Variants in CNTN5 observed in about 807,000 individuals in gnomAD.
CNTN5 encodes contactin-5.
In CNTN5, 77 loss-of-function variants were observed where a neutral mutation model predicts 129.1. The observed-to-expected ratio is 0.60, with a 90% confidence interval of 0.50 to 0.72. The LOEUF (loss-of-function observed/expected upper bound fraction) is 0.72. CNTN5 is among the 30% of genes least tolerant of loss of function. CNTN5 has a pLI of 0.00. For missense variants in CNTN5, 1,478 were observed against 1,328.8 expected, an observed-to-expected ratio of 1.11 and a Z score of -1.75; for synonymous variants, 509 against 465.6, an observed-to-expected ratio of 1.09 and a Z score of -1.20.
intron 3 of CNTN5, among the ~76,000 whole-genome samples, chr11:99,813,189 A>C (rs138861374): frequency 6.6e-6 from 1 of 152,118 alleles, no homozygotes; most frequent in African/African-American, 2.4e-5. Context: ...GGAAAAAAGA[A>C]TGTTAGAGGT....
intron 3 of CNTN5, among the ~76,000 whole-genome samples, chr11:99,743,341 T>G (rs747076546): frequency 2.6e-5 from 4 of 152,110 alleles, no homozygotes; most frequent in Non-Finnish European, 5.9e-5. Context: ...GAATCTAATG[T>G]TCAGATATTA....
At chr11:99,359,064 A>G (rs1728679722) in intron 2 of CNTN5, among the ~76,000 whole-genome samples, 1 of 152,180 alleles carries the variant, frequency 6.6e-6, no homozygotes, top group African/African-American at 2.4e-5. Flanking sequence ...TTCTTCAATT[A>G]CCCCTAAAAT....
At chr11:99,204,697 A>G (rs572506318) in intron 1 of CNTN5, among the ~76,000 whole-genome samples, 44 of 152,304 alleles carry the variant, frequency 2.9e-4, no homozygotes, top group African/African-American at 1.1e-3. Flanking sequence ...TTTCTATACA[A>G]TGTTAAATGT....
intron 3 of CNTN5, among the ~76,000 whole-genome samples, chr11:99,618,130 G>T (rs1242119895): frequency 6.6e-6 from 1 of 151,990 alleles, no homozygotes; most frequent in Non-Finnish European, 1.5e-5. Flanking sequence ...TCTGGAAAGT[G>T]GTTTTCAAAT....
intron 2 of CNTN5, among the ~76,000 whole-genome samples, chr11:99,380,259 C>T (rs1174868736): frequency 1.3e-5 from 2 of 152,086 alleles, no homozygotes; most frequent in African/African-American, 2.4e-5. Flanking sequence ...ATACTACACA[C>T]TTTACACATC....
At chr11:99,306,046 T>C (rs147880557) in intron 1 of CNTN5, among the ~76,000 whole-genome samples, 4 of 152,216 alleles carry the variant, frequency 2.6e-5, no homozygotes, top group Admixed American at 2.6e-4. Flanking sequence ...GAAAGATACA[T>C]TGAAGAACTA....
intron 13 of CNTN5, among the ~76,000 whole-genome samples, chr11:100,145,667 CAG>C (rs1946828122): frequency 6.6e-6 from 1 of 152,070 alleles, no homozygotes; most frequent in African/African-American, 2.4e-5. Flanking sequence ...ACTGATGAAA[CAG>C]AGATACAGAA....
chr11:100,055,582 T>G (rs1452293207), intron 9 of CNTN5, among the ~76,000 whole-genome samples: 1 of 72,228 alleles, frequency 1.4e-5, no homozygotes, highest in Non-Finnish European at 2.8e-5. Context: ...GTGCTTTTAC[T>G]CTCTTTTCCG....
chr11:100,183,122 G>T (rs1285224771), intron 13 of CNTN5, among the ~76,000 whole-genome samples: 1 of 152,102 alleles, frequency 6.6e-6, no homozygotes, highest in Non-Finnish European at 1.5e-5. Flanking sequence ...ACGAAGTGCT[G>T]CAAGAGCTCT....
chr11:99,924,130 G>T (rs1426081284), intron 7 of CNTN5, among the ~76,000 whole-genome samples: 1 of 152,126 alleles, frequency 6.6e-6, no homozygotes, highest in Non-Finnish European at 1.5e-5. Flanking sequence ...AGCCATTCTG[G>T]CTGGTATAAG....
intron 21 of CNTN5, among the ~76,000 whole-genome samples, chr11:100,318,211 A>G (rs1266172718): frequency 1.4e-5 from 2 of 144,174 alleles, no homozygotes; most frequent in African/African-American, 2.6e-5. Context: ...ACTGCACTCC[A>G]GCCTGGGCAA....
intron 13 of CNTN5, among the ~76,000 whole-genome samples, chr11:100,149,610 G>A (rs1402926122): frequency 6.6e-6 from 1 of 151,994 alleles, no homozygotes; most frequent in African/African-American, 2.4e-5. Context: ...AATCTCATGG[G>A]GGCCAGGTGC....
intron 3 of CNTN5, among the ~76,000 whole-genome samples, chr11:99,626,642 T>C (rs992201335): frequency 1.3e-5 from 2 of 152,118 alleles, no homozygotes; most frequent in African/African-American, 2.4e-5. Flanking sequence ...TTTTTTTGTA[T>C]AAAATACTAT....
At chr11:99,219,494 T>G (rs1395405823) in intron 1 of CNTN5, among the ~76,000 whole-genome samples, 1 of 151,728 alleles carries the variant, frequency 6.6e-6, no homozygotes, top group Non-Finnish European at 1.5e-5. Context: ...ACAGAGGCCT[T>G]AAGTTAGGAG....
chr11:100,060,024 C>T (rs1943397664), intron 9 of CNTN5, among the ~76,000 whole-genome samples: 1 of 151,866 alleles, frequency 6.6e-6, no homozygotes, highest in Middle Eastern at 3.2e-3. Flanking sequence ...GCCTTGCCGA[C>T]ATGATGAAAC....
At chr11:100,293,726 C>T (rs1035536316) in intron 18 of CNTN5, among the ~76,000 whole-genome samples, 2 of 151,716 alleles carry the variant, frequency 1.3e-5, no homozygotes, top group African/African-American at 4.8e-5. Flanking sequence ...CCAGATCTTT[C>T]TTACTCCCAC....
chr11:99,751,842 A>G lies in CNTN5; in HGVS notation c.56-67702A>G, dbSNP rs557439642. Reference sequence around the variant, plus strand: ...GGGGTCTTTACAAGCTGATTAGGTCAGGAAGACTCCTCCCTTATGAATGGG... The same window carrying G: ...GGGGTCTTTACAAGCTGATTAGGTCGGGAAGACTCCTCCCTTATGAATGGG... On this transcript the variant is annotated intron_variant, in intron 3 of 24. Coordinates refer to ENST00000524871, the MANE Select transcript of CNTN5 (RefSeq NM_014361.4). Among the ~76,000 whole-genome samples, 6 of 152,354 alleles carry G rather than the reference A, an allele frequency of 3.9e-5. 1 individual carries two copies. The East Asian group carries it at 1.2e-3, about 29-fold the overall frequency.
chr11:99,697,201 G>C lies in CNTN5; in HGVS notation c.56-122343G>C, dbSNP rs72983687. On this transcript the variant is annotated intron_variant, in intron 3 of 24. Coordinates refer to ENST00000524871, the MANE Select transcript of CNTN5 (RefSeq NM_014361.4). ...TGCAGAATTTCAAATAAATTATGTA[G>C]CTGTTCAACGCTTAAAGAAATACAA... Among the ~76,000 whole-genome samples, 62 of 151,992 alleles carry C rather than the reference G, an allele frequency of 4.1e-4. 1 individual carries two copies. The highest frequency in any genetic ancestry group is 7.1e-4 in the Non-Finnish European group (48 of 67,888).
intron 2 of CNTN5, among the ~76,000 whole-genome samples, chr11:99,473,797 A>G (rs1487606030): frequency 6.6e-6 from 1 of 151,976 alleles, no homozygotes; most frequent in Non-Finnish European, 1.5e-5. Flanking sequence ...ATTTAAAACT[A>G]TTATATTTAA....
Sources: gnomAD v4.1 joint callset for allele counts (sites outside exome capture counted in the v4.1 genomes callset) on GRCh38, gnomAD v4.1.1 for gene constraint, MANE v1.5 for transcripts, NCBI Gene and HGNC (gene_info 2026-07-23, HGNC 2026-07-21) for gene names.